ABCD2: variants seen among roughly 807,000 people sequenced by gnomAD.
ABCD2 encodes ATP-binding cassette sub-family D member 2.
A neutral mutation model predicts 70.9 loss-of-function variants in ABCD2; 36 were observed. That is an observed-to-expected ratio of 0.51 (90% CI 0.39 to 0.67). The LOEUF (loss-of-function observed/expected upper bound fraction) is 0.67. ABCD2 is among the 30% of genes least tolerant of loss of function. The probability of loss-of-function intolerance (pLI) is 0.00; values close to 1 mark genes in which losing one functional copy is unlikely to be tolerated. For missense variants in ABCD2, 729 were observed against 890.2 expected, an observed-to-expected ratio of 0.82 and a Z score of 2.30; for synonymous variants, 304 against 306.9, an observed-to-expected ratio of 0.99 and a Z score of 0.10.
chr12:39,607,817 C>T, intron 2 of ABCD2, 103 bp from the exon 3 acceptor site: 1 of 768,916 alleles, frequency 1.3e-6, no homozygotes, highest in Non-Finnish European at 2.1e-6. Flanking sequence ...AAAACAACCA[C>T]ATATTAATTT....
chr12:39,555,090 G>A (rs1941142168), intron 9 of ABCD2, among the ~76,000 whole-genome samples: 1 of 151,836 alleles, frequency 6.6e-6, no homozygotes, highest in Admixed American at 6.6e-5. Flanking sequence ...CGTAAAATTC[G>A]ATGATTCTTA....
At chr12:39,565,648 A>G (rs2120563451) in intron 9 of ABCD2, among the ~76,000 whole-genome samples, 1 of 152,296 alleles carries the variant, frequency 6.6e-6, no homozygotes, top group Non-Finnish European at 1.5e-5. Flanking sequence ...TGCCCTGGCC[A>G]GAACTTCTAA....
intron 8 of ABCD2, among the ~76,000 whole-genome samples, chr12:39,576,779 A>C (rs1054818760): frequency 8.3e-4 from 127 of 152,324 alleles, no homozygotes; most frequent in African/African-American, 2.9e-3. Flanking sequence ...AGGGAGGATG[A>C]GTAAACTTCC....
At chr12:39,565,982 C>G (rs1319933427) in intron 9 of ABCD2, among the ~76,000 whole-genome samples, 3 of 152,166 alleles carry the variant, frequency 2.0e-5, no homozygotes, top group Non-Finnish European at 4.4e-5. Flanking sequence ...ATGAAGCCCA[C>G]TTGATCATGG....
chr12:39,598,818 A>G (rs1941856729), intron 6 of ABCD2, among the ~76,000 whole-genome samples: 1 of 152,182 alleles, frequency 6.6e-6, no homozygotes, highest in Admixed American at 6.6e-5. Context: ...TTTTAAATTT[A>G]CTCGAAAAAA....
intron 9 of ABCD2, among the ~76,000 whole-genome samples, chr12:39,560,687 A>G (rs893631895): frequency 2.0e-5 from 3 of 152,178 alleles, no homozygotes; most frequent in Non-Finnish European, 4.4e-5. Flanking sequence ...TGTGATATTA[A>G]AAATTCAAAA....
At chr12:39,579,490 G>T in intron 8 of ABCD2, 45 bp downstream of exon 8, 1 of 1,368,724 alleles carries the variant, frequency 7.3e-7, no homozygotes, top group Non-Finnish European at 1.0e-6. Context: ...TGCTTGGTTT[G>T]GTTACAACAA....
At chr12:39,544,668 A>G in the ABCD2 span, among the ~76,000 whole-genome samples, 3 of 152,174 alleles carry the variant, frequency 2.0e-5, no homozygotes, top group Non-Finnish European at 2.9e-5. Flanking sequence ...TAACACCTTA[A>G]TCTTAAGGTG....
At chr12:39,565,991 G>A (rs886923459) in intron 9 of ABCD2, among the ~76,000 whole-genome samples, 1 of 152,128 alleles carries the variant, frequency 6.6e-6, no homozygotes, top group African/African-American at 2.4e-5. Context: ...ACTTGATCAT[G>A]GTGGATAAGC....
At chr12:39,617,949 T>A (rs1047739016) in intron 1 of ABCD2, among the ~76,000 whole-genome samples, 1 of 152,188 alleles carries the variant, frequency 6.6e-6, no homozygotes, top group African/African-American at 2.4e-5. Context: ...AGGGATCTGC[T>A]TAATGTTGAA....
chr12:39,554,706 A>G (rs1941136211), intron 9 of ABCD2, among the ~76,000 whole-genome samples: 1 of 152,224 alleles, frequency 6.6e-6, no homozygotes, highest in African/African-American at 2.4e-5. Flanking sequence ...CTTATGGCTC[A>G]GTTTCATAAT....
intron 2 of ABCD2, among the ~76,000 whole-genome samples, chr12:39,610,297 T>A (rs1942028177): frequency 6.6e-6 from 1 of 152,130 alleles, no homozygotes; most frequent in South Asian, 2.1e-4. Flanking sequence ...TTACTGATAA[T>A]CACTCCTCTA....
intron 5 of ABCD2, among the ~76,000 whole-genome samples, chr12:39,601,920 A>G (rs892625416): frequency 6.6e-6 from 1 of 151,946 alleles, no homozygotes; most frequent in Non-Finnish European, 1.5e-5. Flanking sequence ...AATCATATAT[A>G]TCATGGTGAA....
intron 6 of ABCD2, among the ~76,000 whole-genome samples, chr12:39,586,856 A>G (rs954707194): frequency 6.6e-6 from 1 of 152,254 alleles, no homozygotes; most frequent in Non-Finnish European, 1.5e-5. Flanking sequence ...AATTTAATTC[A>G]TAGTAAGAAA....
At chr12:39,576,296 A>G (rs955710580) in intron 8 of ABCD2, among the ~76,000 whole-genome samples, 2 of 152,016 alleles carry the variant, frequency 1.3e-5, no homozygotes, top group African/African-American at 4.8e-5. Flanking sequence ...AGTAGCTGGG[A>G]CTATAGGCGC....
intron 2 of ABCD2, among the ~76,000 whole-genome samples, chr12:39,609,327 A>G (rs529755905): frequency 6.6e-6 from 1 of 152,308 alleles, no homozygotes; most frequent in African/African-American, 2.4e-5. Flanking sequence ...ACCTCTCCAC[A>G]TCTATTTTCT....
At chr12:39,572,235 G>A (rs1369330724) in intron 9 of ABCD2, among the ~76,000 whole-genome samples, 1 of 152,156 alleles carries the variant, frequency 6.6e-6, no homozygotes, top group Non-Finnish European at 1.5e-5. Flanking sequence ...ATTAACACAG[G>A]TCAGAAAAAC....
chr12:39,607,261 G>A (rs1022732837), intron 3 of ABCD2, among the ~76,000 whole-genome samples: 1 of 152,104 alleles, frequency 6.6e-6, no homozygotes, highest in African/African-American at 2.4e-5. Context: ...AGACGCTGTA[G>A]CGACCTTGAC....
rs1217147131 is a variant in ABCD2, at chr12:39,551,572, T to C, written c.*2340A>G. ...CCTTCCAAGTTAAGGATGTTGGTCC[T>C]GAAAAATAAATTCAGAAAACAAATA... is the stretch of plus-strand genomic sequence containing the variant. On this transcript the variant is annotated 3_prime_UTR_variant, in exon 10 of 10. Transcript: ENST00000308666. The C allele has an allele frequency of 6.6e-6, 1 of 151,762 alleles. No individual in the cohort carries two copies. The highest frequency in any genetic ancestry group is 2.4e-5 in the African/African-American group (1 of 41,418). 9.4% of individuals were successfully genotyped at this position (151,762 alleles called of 1,614,324 possible).
Sources: allele counts gnomAD v4.1 joint callset (sites outside exome capture counted in the v4.1 genomes callset), GRCh38; gene constraint gnomAD v4.1.1; transcripts MANE v1.5; gene names NCBI Gene and HGNC (gene_info 2026-07-23, HGNC 2026-07-21).